CPNE8: variants seen among roughly 807,000 people sequenced by gnomAD.
CPNE8 encodes copine-8.
Under a neutral mutation model 81.5 loss-of-function variants are expected in CPNE8, and 45 were observed. The ratio of observed to expected loss-of-function variants is 0.55; its 90% CI spans 0.44 to 0.71. The LOEUF (loss-of-function observed/expected upper bound fraction) is 0.71, where lower values mean the gene tolerates loss of function less well. Among genes scored for constraint, CPNE8 ranks in the 30% least tolerant of loss-of-function variants. The pLI is 0.00. For missense variants in CPNE8, 594 were observed against 672.1 expected (o/e 0.88, Z 1.28); for synonymous variants, 252 against 226.3 (o/e 1.11, Z -1.02).
intron 4 of CPNE8, among the ~76,000 whole-genome samples, chr12:38,841,656 A>G (rs1393975719): frequency 6.6e-6 from 1 of 152,190 alleles, no homozygotes; most frequent in Non-Finnish European, 1.5e-5. Flanking sequence ...TTGGTAGGTG[A>G]AATGATTTGC....
chr12:38,835,999 C>T (rs80138970), intron 5 of CPNE8, among the ~76,000 whole-genome samples: 1,915 of 152,152 alleles, frequency 0.013, 44 homozygotes, highest in African/African-American at 0.043. Context: ...ACATCCCAAG[C>T]AGAATCCTGT....
At chr12:38,798,892 T>G (rs1209364654) in intron 6 of CPNE8, among the ~76,000 whole-genome samples, 1 of 152,074 alleles carries the variant, frequency 6.6e-6, no homozygotes, top group Non-Finnish European at 1.5e-5. Context: ...AGGCAGGGGT[T>G]GAAATCCCAG....
intron 19 of CPNE8, among the ~76,000 whole-genome samples, chr12:38,668,894 A>G (rs1044948722): frequency 6.6e-6 from 1 of 152,042 alleles, no homozygotes; most frequent in African/African-American, 2.4e-5. Flanking sequence ...CTAAAAAAAT[A>G]CAAAAAAAAA....
At chr12:38,661,131 T>A (rs923794513) in intron 19 of CPNE8, among the ~76,000 whole-genome samples, 10 of 152,300 alleles carry the variant, frequency 6.6e-5, no homozygotes, top group Admixed American at 1.3e-4. Flanking sequence ...GGATTATAAA[T>A]CATGCTACTA....
chr12:38,792,808 G>A (rs746450527), intron 6 of CPNE8, among the ~76,000 whole-genome samples: 16 of 151,790 alleles, frequency 1.1e-4, no homozygotes, highest in Non-Finnish European at 1.5e-4. Flanking sequence ...CAATATCCCT[G>A]ATGAATATTG....
chr12:38,748,320 T>C (rs1199432887), intron 10 of CPNE8, among the ~76,000 whole-genome samples: 1 of 152,172 alleles, frequency 6.6e-6, no homozygotes, highest in Admixed American at 6.6e-5. Context: ...CGCAATACTA[T>C]TAATAGATAC....
At chr12:38,740,524 G>A (rs1305169580) in intron 10 of CPNE8, among the ~76,000 whole-genome samples, 4 of 152,200 alleles carry the variant, frequency 2.6e-5, no homozygotes, top group East Asian at 1.9e-4. Context: ...GATATTGGCT[G>A]TGGGTTTGTC....
chr12:38,902,464 GAGAA>G lies in CPNE8; in HGVS notation c.98+2969_98+2972del, dbSNP rs770270164. Among the ~76,000 whole-genome samples, 7 of 152,150 alleles carry G rather than the reference GAGAA, an allele frequency of 4.6e-5. No homozygotes were observed. In the South Asian group the frequency reaches 8.3e-4, roughly 18 times the overall value. ...AGAGAGAGAAAGAAAGATAAAGAAT[GAGAA>G]AGAAAGAACCTATTCAAATCTGAGC... On this transcript the variant is annotated intron_variant, in intron 1 of 19. Transcript: ENST00000331366.
chr12:38,881,140 G>C (rs1270252119), intron 1 of CPNE8, among the ~76,000 whole-genome samples: 1 of 151,814 alleles, frequency 6.6e-6, no homozygotes, highest in African/African-American at 2.4e-5. Flanking sequence ...AACCCGGGAG[G>C]CGGAGCTTGC....
chr12:38,663,518 G>A (rs988723928), intron 19 of CPNE8, among the ~76,000 whole-genome samples: 1 of 152,028 alleles, frequency 6.6e-6, no homozygotes, highest in African/African-American at 2.4e-5. Context: ...ATATTGATAA[G>A]GATGTAGAGA....
Position 38,850,250 on chromosome 12 carries a change from T to C in CPNE8, c.187-1588A>G, listed in dbSNP as rs1363456576. On this transcript the variant is annotated intron_variant, in intron 3 of 19. Coordinates refer to ENST00000331366, the MANE Select transcript of CPNE8 (RefSeq NM_153634.3). ...GAGCAGAGAGCACTAAAGCAGCAAATGCACAACACTCTCAAAGAGAGGCTC... is the reference window on the plus strand; with the variant it reads ...GAGCAGAGAGCACTAAAGCAGCAAACGCACAACACTCTCAAAGAGAGGCTC... 2.6e-5 allele frequency among the ~76,000 whole-genome samples: 4 copies of C among 152,084 alleles called. No homozygotes were observed. In the South Asian group the frequency reaches 6.2e-4, roughly 24 times the overall value.
chr12:38,668,715 GATGAGGTT>G (rs1218761963), intron 19 of CPNE8, among the ~76,000 whole-genome samples: 1 of 152,106 alleles, frequency 6.6e-6, no homozygotes, highest in African/African-American at 2.4e-5. Context: ...TAATTATGCT[GATGAGGTT>G]AAGGTGAATA....
rs201403848 is a variant in CPNE8, at chr12:38,723,843, A to G, written c.853-10T>C. On this transcript the variant is annotated splice_polypyrimidine_tract_variant and intron_variant, in intron 12 of 19. Coordinates refer to ENST00000331366, the MANE Select transcript of CPNE8 (RefSeq NM_153634.3). The stretch of plus-strand genomic sequence containing the variant: ...AAGAGAGTAAAGTTACCTGAAAAAG[A>G]AAAAGACAGAATTACCTTCTAGTTG... The G allele has an allele frequency of 4.6e-6, 7 of 1,519,906 alleles. No individual in the cohort carries two copies. In the African/African-American group the frequency reaches 8.3e-5, roughly 18 times the overall value. The allele number at this position is 1,519,906 out of a possible 1,614,324, so 94.2% of individuals were successfully genotyped here.
chr12:38,660,479 G>T (rs1307088354), intron 19 of CPNE8, among the ~76,000 whole-genome samples: 3 of 152,148 alleles, frequency 2.0e-5, no homozygotes, highest in Non-Finnish European at 4.4e-5. Context: ...ATGGATTAAA[G>T]ACTTAAATCT....
chr12:38,674,651 T>C (rs921199856), intron 18 of CPNE8, among the ~76,000 whole-genome samples: 6 of 152,136 alleles, frequency 3.9e-5, no homozygotes, highest in Admixed American at 2.0e-4. Flanking sequence ...AATGACTTGC[T>C]TTTGAAACTG....
At chr12:38,757,707 G>A (rs1422299903) in intron 10 of CPNE8, among the ~76,000 whole-genome samples, 2 of 151,760 alleles carry the variant, frequency 1.3e-5, no homozygotes, top group Non-Finnish European at 2.9e-5. Context: ...TTAAAATATA[G>A]ATCTATTTTT....
chr12:38,879,524 T>C (rs1944119599), intron 1 of CPNE8, among the ~76,000 whole-genome samples: 1 of 152,086 alleles, frequency 6.6e-6, no homozygotes, highest in African/African-American at 2.4e-5. Context: ...AATAAAAACT[T>C]TGAATTCTTC....
chr12:38,678,032 G>T (rs1054279740), intron 16 of CPNE8, among the ~76,000 whole-genome samples: 3 of 152,032 alleles, frequency 2.0e-5, no homozygotes, highest in Non-Finnish European at 4.4e-5. Context: ...TTGTATAAAT[G>T]ATAGCAATAA....
chr12:38,851,282 A>T (rs1467801595), intron 3 of CPNE8, among the ~76,000 whole-genome samples: 1 of 152,248 alleles, frequency 6.6e-6, no homozygotes, highest in East Asian at 1.9e-4. Context: ...GTATTCATGC[A>T]TACAACTGCT....
Sources: gnomAD v4.1 joint callset for allele counts (sites outside exome capture counted in the v4.1 genomes callset) on GRCh38, gnomAD v4.1.1 for gene constraint, MANE v1.5 for transcripts, NCBI Gene and HGNC (gene_info 2026-07-23, HGNC 2026-07-21) for gene names.